XDH: variants seen among roughly 807,000 people sequenced by gnomAD.
XDH encodes xanthine dehydrogenase/oxidase.
Under a neutral mutation model 156.1 loss-of-function variants are expected in XDH, and 138 were observed. That is an observed-to-expected ratio of 0.88 (90% confidence interval 0.77 to 1.02). XDH has a LOEUF of 1.02. XDH is among the 50% of genes least tolerant of loss of function. The pLI is 0.00. For synonymous variants in XDH, 669 were observed against 625.7 expected, an observed-to-expected ratio of 1.07 and a Z score of -1.03; for missense variants, 1,849 against 1,684.9, an observed-to-expected ratio of 1.10 and a Z score of -1.71.
chr2:31,378,134 G>GA (rs1686317432), intron 13 of XDH, among the ~76,000 whole-genome samples: 1 of 81,244 alleles, frequency 1.2e-5, no homozygotes, highest in African/African-American at 4.4e-5. Flanking sequence ...AAGGAAGGAA[G>GA]GAAGGAAGGA....
At chr2:31,378,099 AAAGAAAGAAAGGAAGG>A (rs1686306466) in intron 13 of XDH, among the ~76,000 whole-genome samples, 60 of 52,582 alleles carry the variant, frequency 1.1e-3, no homozygotes, top group African/African-American at 1.4e-3. Context: ...AGAAAGAAAG[AAAGAAAGAAAGGAAGG>A]AAGGAAGGAA....
intron 6 of XDH, among the ~76,000 whole-genome samples, chr2:31,393,994 A>G (rs1686839201): frequency 6.6e-6 from 1 of 152,062 alleles, no homozygotes; most frequent in African/African-American, 2.4e-5. Flanking sequence ...AAGCACATAT[A>G]TATATACATA....
At chr2:31,388,433 C>T in intron 6 of XDH, 138 bp from the exon 7 acceptor site, 1 of 943,390 alleles carries the variant, frequency 1.1e-6, no homozygotes, top group South Asian at 1.4e-5. Flanking sequence ...ATCCTGCCTG[C>T]CTGTTGCCCA....
chr2:31,377,562 C>T (rs904043419), intron 13 of XDH, among the ~76,000 whole-genome samples: 2 of 152,114 alleles, frequency 1.3e-5, no homozygotes, highest in African/African-American at 4.8e-5. Context: ...CACAAAGGCT[C>T]CTTAGAGACC....
chr2:31,365,551 G>C lies in XDH; in HGVS notation c.2457-7C>G, dbSNP rs376769251. On this transcript the variant is annotated splice_region_variant and splice_polypyrimidine_tract_variant and intron_variant, in intron 22 of 35. Coordinates refer to ENST00000379416, the MANE Select transcript of XDH (RefSeq NM_000379.4). ...TCGCACAGGGCGGCCGGTCCTGGGG[G>C]TTACCGACAGTGTTAGAAGCCTGTG... The C allele has an allele frequency of 1.7e-5, 27 of 1,613,976 alleles. No homozygotes were observed. Among genetic ancestry groups the C allele is most frequent in the Non-Finnish European group, 2.3e-5 (27 of 1,180,010 alleles).
At chr2:31,367,815 C>T (rs1451260994) in intron 20 of XDH, 146 bp downstream of exon 20, 8 of 810,718 alleles carry the variant, frequency 9.9e-6, no homozygotes, top group Non-Finnish European at 1.7e-5. Context: ...CAACTGTCTC[C>T]TATTTTGCTA....
rs45587236 is a variant in XDH at position 31,388,422 on chromosome 2, C to T, written c.496-127G>A. On this transcript the variant is annotated intron_variant, in intron 6 of 35. Transcript: ENST00000379416. ...CCTGTCCCAGCATCAACAGCAGGGG[C>T]ATCCTGCCTGCCTGTTGCCCAGAGT... The T allele has an allele frequency of 1.8e-3, 1,812 of 1,035,252 alleles. 57 individuals carry two copies. The East Asian group carries it at 0.043, about 25-fold the overall frequency. 64.1% of individuals were successfully genotyped at this position (1,035,252 alleles called of 1,614,324 possible).
At chr2:31,366,157 T>G (rs1371645749) in intron 21 of XDH, 48 bp from the exon 22 acceptor site, 1 of 1,613,952 alleles carries the variant, frequency 6.2e-7, no homozygotes, top group Non-Finnish European at 8.5e-7. Flanking sequence ...TACCTGAACT[T>G]ATTTCAGGCC....
At position 31,335,892 on chromosome 2, in the gene XDH, G is replaced by C; in HGVS notation, c.*66C>G. On this transcript the variant is annotated 3_prime_UTR_variant, in exon 36 of 36. Transcript: ENST00000379416. ...GACTTTAATAGATCCATGTTCTGTG[G>C]TATGTTCCTCCTGCTCCATGGAAGC... The C allele has an allele frequency of 6.5e-7, 1 of 1,536,706 alleles. No homozygotes were observed. The highest frequency in any genetic ancestry group is 9.0e-7 in the Non-Finnish European group (1 of 1,109,568).
rs1372395515 is a variant in XDH, at chr2:31,380,112, A to C, written c.1133-136T>G. On this transcript the variant is annotated intron_variant, in intron 12 of 35. Coordinates refer to ENST00000379416, the MANE Select transcript of XDH (RefSeq NM_000379.4). ...ACAGTCAGAGCAAATGACTGGCACAATTGGGGCCAAATCCTCTCTCTGAAA... is the reference window on the plus strand; with the variant it reads ...ACAGTCAGAGCAAATGACTGGCACACTTGGGGCCAAATCCTCTCTCTGAAA... 6.1e-6 allele frequency: 5 copies of C among 816,042 alleles called. No homozygotes were observed. In the African/African-American group the frequency reaches 8.4e-5, roughly 14 times the overall value. The allele number at this position is 816,042 out of a possible 1,614,324, so 50.6% of individuals were successfully genotyped here. A position where few individuals can be genotyped will look rare whatever the true frequency, so the allele number is the denominator to read the frequency against.
intron 15 of XDH, among the ~76,000 whole-genome samples, chr2:31,374,708 G>A (rs1201210204): frequency 6.6e-6 from 1 of 152,000 alleles, no homozygotes; most frequent in African/African-American, 2.4e-5. Context: ...TCCACTTTGG[G>A]CTCCCTCCAC....
chr2:31,401,105 A>G (rs981237295), intron 4 of XDH, 115 bp downstream of exon 4: 3 of 1,182,742 alleles, frequency 2.5e-6, no homozygotes, highest in African/African-American at 3.0e-5. Context: ...GCCTTCTTAG[A>G]TTAAGCAGTG....
chr2:31,398,425 T>G, intron 5 of XDH, 148 bp downstream of exon 5: 1 of 1,451,092 alleles, frequency 6.9e-7, no homozygotes, highest in Non-Finnish European at 9.5e-7. Flanking sequence ...GTTGGCTTTC[T>G]AGCAGATCTT....
intron 14 of XDH, among the ~76,000 whole-genome samples, chr2:31,375,770 TA>T (rs1686228629): frequency 6.6e-6 from 1 of 152,222 alleles, no homozygotes; most frequent in African/African-American, 2.4e-5. Flanking sequence ...ACCACCAAAA[TA>T]ATAACAGTTA....
intron 12 of XDH, among the ~76,000 whole-genome samples, chr2:31,380,401 G>C (rs1458974825): frequency 6.6e-6 from 1 of 152,210 alleles, no homozygotes; most frequent in East Asian, 1.9e-4. Context: ...AGTGCTCCAT[G>C]ATGGAGCAGC....
At chr2:31,397,951 G>A (rs1686954263) in intron 5 of XDH, among the ~76,000 whole-genome samples, 1 of 152,198 alleles carries the variant, frequency 6.6e-6, no homozygotes, top group African/African-American at 2.4e-5. Flanking sequence ...AGAATGCCCA[G>A]ACTGAGTCAG....
rs369230654 is a variant in XDH, at chr2:31,350,104, C to T, written c.2751G>A (p.Gly917=). The T allele has an allele frequency of 6.4e-5, 104 of 1,614,086 alleles. 1 individual carries two copies. Among genetic ancestry groups the T allele is most frequent in the Admixed American group, 3.3e-5 (2 of 60,006 alleles). ...ACTCGGCAATGAGCATCCCCTGGGG[C>T]CCCCCAAAGCCCCGGAAGGCCGTGT... The part of the protein sequence containing the change: ...PSNTAFRGFG[G]PQGMLIAECW... Residue 917 remains glycine (G), a synonymous_variant, in exon 25 of 36, where the codon GGG becomes GGA. Coordinates refer to ENST00000379416, the MANE Select transcript of XDH (RefSeq NM_000379.4).
chr2:31,367,042 G>A (rs761513624), intron 20 of XDH, 48 bp from the exon 21 acceptor site: 42 of 1,613,716 alleles, frequency 2.6e-5, no homozygotes, highest in Non-Finnish European at 3.5e-5. Flanking sequence ...GCTGCAGAAG[G>A]GGCCAGCTTG....
intron 1 of XDH, among the ~76,000 whole-genome samples, chr2:31,406,933 A>G (rs940469801): frequency 6.6e-6 from 1 of 152,240 alleles, no homozygotes; most frequent in African/African-American, 2.4e-5. Context: ...AGGTTCAATA[A>G]GGTGGAAAAA....
Sources: allele counts gnomAD v4.1 joint callset (sites outside exome capture counted in the v4.1 genomes callset), GRCh38; gene constraint gnomAD v4.1.1; transcripts MANE v1.5; gene names NCBI Gene and HGNC (gene_info 2026-07-23, HGNC 2026-07-21).